The following NRXN3 variants were observed in gnomAD, a reference collection of about 807,000 sequenced individuals.
NRXN3 encodes the protein neurexin 3.
Under a neutral mutation model 137.6 loss-of-function variants are expected in NRXN3, and 32 were observed. The ratio of observed to expected loss-of-function variants is 0.23; its 90% CI spans 0.18 to 0.31. The LOEUF is 0.31. NRXN3 is among the 10% of genes least tolerant of loss of function. The pLI, the probability that NRXN3 is intolerant of heterozygous loss-of-function variation, is 1.00. For synonymous variants in NRXN3, 798 were observed against 784.5 expected, an observed-to-expected ratio of 1.02 and a Z score of -0.29; for missense variants, 1,574 against 2,062.5, an observed-to-expected ratio of 0.76 and a Z score of 4.59.
intron 15 of NRXN3, among the ~76,000 whole-genome samples, chr14:79,219,484 C>A (rs781079251): frequency 6.6e-6 from 1 of 152,070 alleles, no homozygotes; most frequent in Admixed American, 6.6e-5. Context: ...AATGTGGAAG[C>A]AAGATCTGGC....
chr14:78,772,758 A>T (rs1233002479), intron 8 of NRXN3, among the ~76,000 whole-genome samples: 1 of 152,186 alleles, frequency 6.6e-6, no homozygotes, highest in Non-Finnish European at 1.5e-5. Flanking sequence ...TCAGTGAACC[A>T]CATGTTGAGT....
At chr14:79,329,444 G>A (rs1302338838) in intron 15 of NRXN3, among the ~76,000 whole-genome samples, 1 of 152,296 alleles carries the variant, frequency 6.6e-6, no homozygotes, top group Admixed American at 6.5e-5. Context: ...ACAGGGTCCT[G>A]TGTGACTCTA....
chr14:79,470,873 TGA>T (rs1195553036), intron 16 of NRXN3, among the ~76,000 whole-genome samples: 4 of 148,802 alleles, frequency 2.7e-5, no homozygotes, highest in Non-Finnish European at 4.5e-5. Flanking sequence ...TGTGTGTGTG[TGA>T]GAGAGAGAGA....
chr14:79,231,685 A>G (rs1182669042), intron 15 of NRXN3, among the ~76,000 whole-genome samples: 1 of 152,194 alleles, frequency 6.6e-6, no homozygotes, highest in Non-Finnish European at 1.5e-5. Flanking sequence ...CTTCTCTGCT[A>G]ATTTAGCAAA....
intron 15 of NRXN3, among the ~76,000 whole-genome samples, chr14:79,043,223 C>G: frequency 6.6e-6 from 1 of 152,096 alleles, no homozygotes; most frequent in Non-Finnish European, 1.5e-5. Context: ...TATGGGTCCT[C>G]TTTTTACAGG....
At chr14:78,297,292 T>C (rs1363355636) in intron 3 of NRXN3, among the ~76,000 whole-genome samples, 1 of 152,174 alleles carries the variant, frequency 6.6e-6, no homozygotes, top group Non-Finnish European at 1.5e-5. Context: ...TGATTCAATT[T>C]TTGTAGAAAA....
chr14:78,239,753 A>T lies in NRXN3; in HGVS notation c.-703-2638A>T, dbSNP rs1483278631. On this transcript the variant is annotated intron_variant, in intron 1 of 20. Transcript: ENST00000335750. ...AGTCTTGTTCTGTTGGAACAAGTGG[A>T]TGGAGTACAGTGGCACGATCTTGGC... is the stretch of plus-strand genomic sequence containing the variant. Among the ~76,000 whole-genome samples the T allele has an allele frequency of 4.6e-5, 7 of 151,664 alleles. No individual in the cohort carries two copies. The South Asian group carries it at 1.3e-3, about 27-fold the overall frequency.
intron 19 of NRXN3, among the ~76,000 whole-genome samples, chr14:79,725,752 T>A (rs931477075): frequency 5.3e-5 from 8 of 152,164 alleles, no homozygotes; most frequent in African/African-American, 1.9e-4. Flanking sequence ...ACTTTATGAA[T>A]AAACAACACT....
chr14:79,631,589 C>G (rs548149997), intron 16 of NRXN3, among the ~76,000 whole-genome samples: 1 of 152,350 alleles, frequency 6.6e-6, no homozygotes, highest in Admixed American at 6.5e-5. Context: ...TCTGGGCTGC[C>G]GGAGTGCCCG....
chr14:78,837,524 A>G (rs2099000534), intron 10 of NRXN3, among the ~76,000 whole-genome samples: 2 of 148,058 alleles, frequency 1.4e-5, no homozygotes, highest in African/African-American at 5.0e-5. Context: ...AATGTTTTCT[A>G]TTTGAGTGGA....
intron 4 of NRXN3, among the ~76,000 whole-genome samples, chr14:78,412,554 C>A (rs2092895654): frequency 6.6e-6 from 1 of 152,090 alleles, no homozygotes; most frequent in African/African-American, 2.4e-5. Context: ...TACCCTAGAA[C>A]ATACATATTA....
intron 4 of NRXN3, among the ~76,000 whole-genome samples, chr14:78,559,558 A>G (rs1311436340): frequency 1.3e-5 from 2 of 152,236 alleles, no homozygotes; most frequent in African/African-American, 2.4e-5. Flanking sequence ...TAATCACACC[A>G]AATACTTTCA....
chr14:79,649,230 G>A (rs945535685), intron 16 of NRXN3, among the ~76,000 whole-genome samples: 2 of 152,004 alleles, frequency 1.3e-5, no homozygotes, highest in Non-Finnish European at 2.9e-5. Context: ...CTGAAACATG[G>A]AAGCTCTAGC....
chr14:78,907,377 G>T (rs1447684394), intron 10 of NRXN3, among the ~76,000 whole-genome samples: 2 of 151,986 alleles, frequency 1.3e-5, no homozygotes, highest in African/African-American at 4.8e-5. Flanking sequence ...TTTTCTAGCT[G>T]GTCAGAGTGG....
intron 4 of NRXN3, among the ~76,000 whole-genome samples, chr14:78,543,596 A>G (rs2096611963): frequency 6.6e-6 from 1 of 152,060 alleles, no homozygotes; most frequent in Non-Finnish European, 1.5e-5. Context: ...GAGAGTTGGC[A>G]TTACCCAATT....
At chr14:78,188,420 G>C (rs187256500) in intron 1 of NRXN3, among the ~76,000 whole-genome samples, 8 of 152,214 alleles carry the variant, frequency 5.3e-5, no homozygotes, top group African/African-American at 1.9e-4. Flanking sequence ...ATACAGTACT[G>C]TGTTTAGAGC....
chr14:79,715,670 C>T (rs2098821347), intron 19 of NRXN3, among the ~76,000 whole-genome samples: 1 of 152,168 alleles, frequency 6.6e-6, no homozygotes, highest in Non-Finnish European at 1.5e-5. Context: ...GGGAAGAAGG[C>T]ATGAACAAAC....
At chr14:79,101,817 A>G (rs2051356850) in intron 15 of NRXN3, among the ~76,000 whole-genome samples, 1 of 152,196 alleles carries the variant, frequency 6.6e-6, no homozygotes, top group African/African-American at 2.4e-5. Flanking sequence ...GGGGCCATTC[A>G]TAAGATGGAG....
intron 16 of NRXN3, among the ~76,000 whole-genome samples, chr14:79,584,654 A>C (rs2097751018): frequency 1.3e-5 from 2 of 152,122 alleles, no homozygotes; most frequent in African/African-American, 4.8e-5. Flanking sequence ...TTCTCCCACA[A>C]CCCAGCTACT....
Sources: allele counts gnomAD v4.1 joint callset (sites outside exome capture counted in the v4.1 genomes callset), GRCh38; gene constraint gnomAD v4.1.1; transcripts MANE v1.5; gene names NCBI Gene and HGNC (gene_info 2026-07-23, HGNC 2026-07-21).